The following ANKS1B variants were observed in gnomAD, a reference collection of about 807,000 sequenced individuals.
The protein encoded by ANKS1B is ankyrin repeat and sterile alpha motif domain containing 1B.
Under a neutral mutation model 148.3 loss-of-function variants are expected in ANKS1B, and 36 were observed. That is an observed-to-expected ratio of 0.24 (90% CI 0.19 to 0.32). The LOEUF (loss-of-function observed/expected upper bound fraction) is 0.32, where lower values mean the gene tolerates loss of function less well. ANKS1B is among the 10% of genes least tolerant of loss of function. The pLI is 1.00. For synonymous variants in ANKS1B, 542 were observed against 560.8 expected (o/e 0.97, Z 0.47); for missense variants, 1,157 against 1,542.6 (o/e 0.75, Z 4.19).
At chr12:98,782,954 T>C (rs2098751943) in intron 22 of ANKS1B, among the ~76,000 whole-genome samples, 1 of 151,132 alleles carries the variant, frequency 6.6e-6, no homozygotes, top group Admixed American at 6.6e-5. Context: ...GTGCAATGTG[T>C]TGATTTTAAG....
chr12:99,557,755 A>C (rs1180742469), intron 9 of ANKS1B, among the ~76,000 whole-genome samples: 2 of 152,208 alleles, frequency 1.3e-5, no homozygotes, highest in Non-Finnish European at 2.9e-5. Flanking sequence ...TCAAGTTGCC[A>C]GAGTTCTTGC....
At chr12:98,810,546 T>C (rs1437535765) in intron 19 of ANKS1B, among the ~76,000 whole-genome samples, 1 of 152,202 alleles carries the variant, frequency 6.6e-6, no homozygotes, top group Admixed American at 6.5e-5. Flanking sequence ...TTGCAGGCTG[T>C]AACCCTTTAG....
chr12:99,552,389 T>C (rs995809991), intron 9 of ANKS1B, among the ~76,000 whole-genome samples: 1 of 152,204 alleles, frequency 6.6e-6, no homozygotes, highest in Non-Finnish European at 1.5e-5. Flanking sequence ...GACAAATGTT[T>C]TTATTTCCAA....
At chr12:99,544,929 T>A (rs2097159166) in intron 9 of ANKS1B, among the ~76,000 whole-genome samples, 1 of 152,164 alleles carries the variant, frequency 6.6e-6, no homozygotes, top group African/African-American at 2.4e-5. Flanking sequence ...CAAAACACTG[T>A]CTAATTATTG....
intron 14 of ANKS1B, among the ~76,000 whole-genome samples, chr12:99,231,622 T>C (rs1201115368): frequency 6.6e-6 from 1 of 151,966 alleles, no homozygotes; most frequent in Non-Finnish European, 1.5e-5. Context: ...TCCTTTTTTT[T>C]AGTTCTGTAA....
At chr12:98,762,217 C>A (rs185593316) in intron 25 of ANKS1B, among the ~76,000 whole-genome samples, 116 of 152,294 alleles carry the variant, frequency 7.6e-4, no homozygotes, top group African/African-American at 2.7e-3. Context: ...TAGGCCAGCT[C>A]CACCATGGGC....
At chr12:99,905,429 C>T (rs985350973) in intron 1 of ANKS1B, among the ~76,000 whole-genome samples, 3 of 152,114 alleles carry the variant, frequency 2.0e-5, no homozygotes, top group Non-Finnish European at 4.4e-5. Context: ...AAAGACATAC[C>T]AAAGCATTCA....
intron 1 of ANKS1B, among the ~76,000 whole-genome samples, chr12:99,934,663 G>A (rs900409429): frequency 2.0e-5 from 3 of 151,820 alleles, no homozygotes; most frequent in Non-Finnish European, 4.4e-5. Flanking sequence ...TTCTTAGTCT[G>A]GCTAAAGGTT....
chr12:99,714,898 C>T (rs2057101081), intron 8 of ANKS1B, among the ~76,000 whole-genome samples: 1 of 151,436 alleles, frequency 6.6e-6, no homozygotes, highest in South Asian at 2.1e-4. Context: ...GCAGACAGAT[C>T]ACTTGAGCTC....
At chr12:98,824,188 C>T (rs1207683571) in intron 19 of ANKS1B, among the ~76,000 whole-genome samples, 2 of 152,148 alleles carry the variant, frequency 1.3e-5, no homozygotes, top group African/African-American at 4.8e-5. Context: ...AATATGGCAT[C>T]CATTCTCTGC....
chr12:98,857,692 G>T (rs568996169), intron 17 of ANKS1B, among the ~76,000 whole-genome samples: 26 of 152,130 alleles, frequency 1.7e-4, no homozygotes, highest in Admixed American at 1.1e-3. Flanking sequence ...TAGGGTAGAG[G>T]ATTAAGAAGC....
chr12:99,443,537 G>C (rs1327083377), intron 11 of ANKS1B, 136 bp downstream of exon 11: 9 of 890,234 alleles, frequency 1.0e-5, no homozygotes, highest in East Asian at 3.1e-5. Context: ...ATCCTCTTCT[G>C]AGTCCCCTCT....
At chr12:99,756,254 AC>A in intron 8 of ANKS1B, among the ~76,000 whole-genome samples, 1 of 152,310 alleles carries the variant, frequency 6.6e-6, no homozygotes, top group African/African-American at 2.4e-5. Context: ...GTCTCAAGAT[AC>A]AAAACCAATG....
At chr12:99,486,135 C>T (rs1487905361) in intron 10 of ANKS1B, among the ~76,000 whole-genome samples, 3 of 151,912 alleles carry the variant, frequency 2.0e-5, no homozygotes, top group African/African-American at 7.3e-5. Flanking sequence ...CTTTCTGATT[C>T]CTTCTCATTT....
intron 12 of ANKS1B, among the ~76,000 whole-genome samples, chr12:99,289,822 A>G (rs957830397): frequency 1.3e-5 from 2 of 152,014 alleles, no homozygotes; most frequent in African/African-American, 4.8e-5. Context: ...AAAAGTAGAA[A>G]AACTTTATAT....
chr12:99,821,845 G>A lies in ANKS1B; in HGVS notation c.215+3464C>T, dbSNP rs149197410. 1.8e-3 allele frequency among the ~76,000 whole-genome samples: 270 copies of A among 152,058 alleles called. 1 individual carries two copies. Among genetic ancestry groups the A allele is most frequent in the Middle Eastern group, 3.4e-3 (1 of 294 alleles). Reference sequence around the variant, plus strand: ...GGGCTGATTTGTCTTTGTTCCTGGTGACTCAGGTAAAAAAAGAATAACAAC... The same window carrying A: ...GGGCTGATTTGTCTTTGTTCCTGGTAACTCAGGTAAAAAAAGAATAACAAC... On this transcript the variant is annotated intron_variant, in intron 2 of 26. Coordinates refer to ENST00000683438, the MANE Select transcript of ANKS1B (RefSeq NM_001352186.2).
rs796271291 is a variant in ANKS1B at position 99,300,476 on chromosome 12, GA to G, written c.1757-53613del. Among the ~76,000 whole-genome samples the G allele has an allele frequency of 8.2e-3, 1,186 of 144,588 alleles. 22 individuals carry two copies. The highest frequency in any genetic ancestry group is 0.028 in the African/African-American group (1,090 of 39,472). The allele number at this position is 144,588 out of a possible 152,430, so 94.9% of individuals were successfully genotyped here. A position where few individuals can be genotyped will look rare whatever the true frequency, so the allele number is the denominator to read the frequency against. On this transcript the variant is annotated intron_variant, in intron 12 of 26. Transcript: ENST00000683438. The stretch of plus-strand genomic sequence containing the variant: ...CACAGAAGTTCAGATTTGTAAATAA[GA>G]AAAAAAAAACAACACAGAAAACATA...
chr12:99,047,835 G>A (rs1002642992), intron 17 of ANKS1B, among the ~76,000 whole-genome samples: 4 of 152,140 alleles, frequency 2.6e-5, no homozygotes, highest in Non-Finnish European at 5.9e-5. Flanking sequence ...AGTCCTTCAG[G>A]TAGAAGGAAA....
At chr12:99,056,385 A>C (rs2040191427) in intron 16 of ANKS1B, among the ~76,000 whole-genome samples, 1 of 152,182 alleles carries the variant, frequency 6.6e-6, no homozygotes. Flanking sequence ...CAATGATCCC[A>C]TCTGTTCCTT....
Sources: gnomAD v4.1 joint callset for allele counts (sites outside exome capture counted in the v4.1 genomes callset) on GRCh38, gnomAD v4.1.1 for gene constraint, MANE v1.5 for transcripts, NCBI Gene and HGNC (gene_info 2026-07-23, HGNC 2026-07-21) for gene names.